GALNT13: variants seen among roughly 807,000 people sequenced by gnomAD.
GALNT13 encodes UDP-GalNAc:polypeptide N-acetylgalactosaminyltransferase 13.
In GALNT13, 28 loss-of-function variants were observed where a neutral mutation model predicts 64.2. That is an observed-to-expected ratio of 0.44 (90% CI 0.32 to 0.60). GALNT13 has a LOEUF of 0.60. Ranked by LOEUF, GALNT13 falls within the 20% of genes least tolerant of loss-of-function variation. The probability of loss-of-function intolerance (pLI) is 0.05; values close to 1 mark genes in which losing one functional copy is unlikely to be tolerated. For synonymous variants in GALNT13, 214 were observed against 224.6 expected, an observed-to-expected ratio of 0.95 and a Z score of 0.42; for missense variants, 577 against 669.8, an observed-to-expected ratio of 0.86 and a Z score of 1.53.
intron 3 of GALNT13, among the ~76,000 whole-genome samples, chr2:153,975,042 T>A (rs1693987933): frequency 6.6e-6 from 1 of 152,106 alleles, no homozygotes; most frequent in African/African-American, 2.4e-5. Context: ...TGACTGTCTT[T>A]GTTGTTTTCT....
chr2:154,089,129 C>T (rs939167596), intron 3 of GALNT13, among the ~76,000 whole-genome samples: 20 of 152,066 alleles, frequency 1.3e-4, no homozygotes, highest in African/African-American at 4.8e-4. Flanking sequence ...TCAAGTTTAA[C>T]CTTCCCCACA....
the GALNT13 span, among the ~76,000 whole-genome samples, chr2:153,462,036 T>A: frequency 3.2e-4 from 48 of 152,254 alleles, no homozygotes; most frequent in Middle Eastern, 0.01. Context: ...TCCTTTCACT[T>A]TCTTAAAATC....
chr2:154,352,817 A>C (rs1696487848), intron 9 of GALNT13, among the ~76,000 whole-genome samples: 1 of 152,118 alleles, frequency 6.6e-6, no homozygotes, highest in East Asian at 1.9e-4. Flanking sequence ...CTGTCTACTG[A>C]AATTTAGCCT....
intron 9 of GALNT13, among the ~76,000 whole-genome samples, chr2:154,334,467 T>C (rs1695333157): frequency 6.6e-6 from 1 of 152,074 alleles, no homozygotes; most frequent in African/African-American, 2.4e-5. Flanking sequence ...GTAAATATGA[T>C]GGAGAGAGCA....
At chr2:153,151,132 C>T in the GALNT13 span, among the ~76,000 whole-genome samples, 8 of 152,170 alleles carry the variant, frequency 5.3e-5, no homozygotes, top group South Asian at 2.1e-4. Flanking sequence ...TTTGTATCCC[C>T]TTTTATTTCC....
intron 3 of GALNT13, among the ~76,000 whole-genome samples, chr2:154,024,332 C>G (rs1340005461): frequency 6.6e-6 from 1 of 152,172 alleles, no homozygotes; most frequent in Non-Finnish European, 1.5e-5. Context: ...TTCAGGTACA[C>G]CAATCAGACA....
At chr2:153,676,200 G>A in the GALNT13 span, among the ~76,000 whole-genome samples, 28 of 151,966 alleles carry the variant, frequency 1.8e-4, no homozygotes, top group African/African-American at 6.7e-4. Context: ...CAATTCACCA[G>A]GAATACAAAA....
chr2:154,035,498 C>A (rs191926010), intron 3 of GALNT13, among the ~76,000 whole-genome samples: 26 of 152,090 alleles, frequency 1.7e-4, no homozygotes, highest in Non-Finnish European at 2.5e-4. Flanking sequence ...AAATGTCTAG[C>A]ATGCTATGTA....
chr2:154,310,056 G>A (rs1050703557), intron 9 of GALNT13, among the ~76,000 whole-genome samples: 3 of 152,092 alleles, frequency 2.0e-5, no homozygotes, highest in Non-Finnish European at 2.9e-5. Flanking sequence ...AAGGTTTTCT[G>A]TATGTCTAAA....
the GALNT13 span, among the ~76,000 whole-genome samples, chr2:153,415,298 G>C: frequency 7.2e-4 from 109 of 152,272 alleles, no homozygotes; most frequent in Non-Finnish European, 1.3e-3. Context: ...AGCTGGATTT[G>C]GGAGGCTGAC....
intron 8 of GALNT13, among the ~76,000 whole-genome samples, chr2:154,284,245 T>C (rs1052184950): frequency 5.3e-5 from 8 of 152,176 alleles, no homozygotes; most frequent in Non-Finnish European, 1.2e-4. Context: ...TGAAGTTTTT[T>C]GTCCTTTGAC....
chr2:153,743,025 TGGGGGAGGGGAGGGGAAATGA>T, the GALNT13 span, among the ~76,000 whole-genome samples: 1 of 42,064 alleles, frequency 2.4e-5, no homozygotes. Flanking sequence ...GGGGAGAAGG[TGGGGGAGGGGAGGGGAAATGA>T]GGGGGAGGGG....
At chr2:153,349,858 A>C in the GALNT13 span, among the ~76,000 whole-genome samples, 2 of 152,180 alleles carry the variant, frequency 1.3e-5, no homozygotes, top group African/African-American at 4.8e-5. Flanking sequence ...TTAACCATAG[A>C]ATCCAATTAA....
the GALNT13 span, among the ~76,000 whole-genome samples, chr2:153,662,768 A>G: frequency 6.6e-6 from 1 of 152,202 alleles, no homozygotes. Flanking sequence ...TTTACTGTGA[A>G]TGAAGCAAAC....
the GALNT13 span, among the ~76,000 whole-genome samples, chr2:153,674,854 G>GA: frequency 6.6e-6 from 1 of 151,700 alleles, no homozygotes; most frequent in East Asian, 2.0e-4. Context: ...AAATTTACAA[G>GA]AAAAAAACAA....
At chr2:154,260,459 G>T (rs1043150120) in intron 8 of GALNT13, among the ~76,000 whole-genome samples, 6 of 152,122 alleles carry the variant, frequency 3.9e-5, no homozygotes, top group Non-Finnish European at 5.9e-5. Flanking sequence ...GGATGGCCTA[G>T]TTATATTACT....
At chr2:153,898,455 A>T (rs549122901) in intron 1 of GALNT13, among the ~76,000 whole-genome samples, 1 of 152,248 alleles carries the variant, frequency 6.6e-6, no homozygotes, top group Non-Finnish European at 1.5e-5. Context: ...TGTTAGTGTT[A>T]TCTTAATCCA....
the GALNT13 span, among the ~76,000 whole-genome samples, chr2:153,259,778 C>G: frequency 6.6e-6 from 1 of 152,208 alleles, no homozygotes; most frequent in Non-Finnish European, 1.5e-5. Context: ...ATAAATTACC[C>G]AGTCTTGGAT....
At chr2:154,245,319 T>C (rs1161276167) in intron 6 of GALNT13, among the ~76,000 whole-genome samples, 1 of 152,156 alleles carries the variant, frequency 6.6e-6, no homozygotes, top group African/African-American at 2.4e-5. Context: ...TTGCTGTTTG[T>C]TGATTTCTGT....
Sources: allele counts gnomAD v4.1 joint callset (sites outside exome capture counted in the v4.1 genomes callset), GRCh38; gene constraint gnomAD v4.1.1; transcripts MANE v1.5; gene names NCBI Gene and HGNC (gene_info 2026-07-23, HGNC 2026-07-21).